MALRD1: variants seen among roughly 807,000 people sequenced by gnomAD.
MALRD1 encodes the protein MAM and LDL receptor class A domain containing 1.
Under a neutral mutation model 242.1 loss-of-function variants are expected in MALRD1, and 247 were observed. That is an observed-to-expected ratio of 1.02 (90% confidence interval 0.92 to 1.13). The LOEUF (loss-of-function observed/expected upper bound fraction) is 1.13, where lower values mean the gene tolerates loss of function less well. Ranked by LOEUF, MALRD1 falls within the 50% of genes most tolerant of loss-of-function variation. The probability of loss-of-function intolerance (pLI) is 0.00; values close to 1 mark genes in which losing one functional copy is unlikely to be tolerated. For synonymous variants in MALRD1, 995 were observed against 866.6 expected (o/e 1.15, Z -2.60); for missense variants, 2,989 against 2,533.1 (o/e 1.18, Z -3.86).
intron 4 of MALRD1, among the ~76,000 whole-genome samples, chr10:19,102,831 C>A (rs1836316730): frequency 6.7e-6 from 1 of 148,636 alleles, no homozygotes; most frequent in African/African-American, 2.5e-5. Context: ...GGCTCCACAT[C>A]CTAATGTCAC....
At chr10:19,727,267 A>G (rs543757688) in intron 38 of MALRD1, among the ~76,000 whole-genome samples, 5 of 152,204 alleles carry the variant, frequency 3.3e-5, no homozygotes, top group Non-Finnish European at 7.3e-5. Context: ...ACTGGATGTA[A>G]CATAGATTGG....
At chr10:19,260,015 T>C (rs1292618386) in intron 19 of MALRD1, among the ~76,000 whole-genome samples, 2 of 152,176 alleles carry the variant, frequency 1.3e-5, no homozygotes, top group East Asian at 3.9e-4. Flanking sequence ...TGACACATAC[T>C]AGTACTCAAC....
At chr10:19,720,676 G>A (rs918860851) in intron 38 of MALRD1, among the ~76,000 whole-genome samples, 10 of 151,764 alleles carry the variant, frequency 6.6e-5, no homozygotes, top group Non-Finnish European at 5.9e-5. Context: ...TTCCTACTTC[G>A]TATTTGTTTT....
At chr10:19,532,391 A>G (rs1296079936) in intron 32 of MALRD1, among the ~76,000 whole-genome samples, 1 of 152,054 alleles carries the variant, frequency 6.6e-6, no homozygotes, top group Non-Finnish European at 1.5e-5. Flanking sequence ...AGTAGCTGGG[A>G]TCACAGGCAT....
intron 38 of MALRD1, among the ~76,000 whole-genome samples, chr10:19,702,979 C>T (rs1331473044): frequency 2.0e-5 from 3 of 152,152 alleles, no homozygotes; most frequent in African/African-American, 7.2e-5. Flanking sequence ...AGCACAGGAA[C>T]AAGCCTCTTA....
In MALRD1 at chr10:19,095,528, A is replaced by G. The variant is rs545647213; in HGVS notation, c.597+7343A>G. Among the ~76,000 whole-genome samples the G allele has an allele frequency of 6.6e-5, 10 of 152,300 alleles. No individual in the cohort carries two copies. The South Asian group carries it at 1.9e-3, about 28-fold the overall frequency. On this transcript the variant is annotated intron_variant, in intron 4 of 39. Coordinates refer to ENST00000454679, the MANE Select transcript of MALRD1 (RefSeq NM_001142308.3). Reference sequence around the variant, plus strand: ...ACTTAAGTCTTTCTATCAACAATTCATTCATTCACTTAAGAAAGATTAATT... The same window carrying G: ...ACTTAAGTCTTTCTATCAACAATTCGTTCATTCACTTAAGAAAGATTAATT...
intron 36 of MALRD1, among the ~76,000 whole-genome samples, chr10:19,655,612 T>C (rs1163920236): frequency 6.8e-6 from 1 of 147,892 alleles, no homozygotes; most frequent in African/African-American, 2.5e-5. Context: ...ACATGAAATA[T>C]AACATAATTG....
chr10:19,297,541 A>T (rs1354339345), intron 21 of MALRD1, among the ~76,000 whole-genome samples: 1 of 151,892 alleles, frequency 6.6e-6, no homozygotes, highest in East Asian at 1.9e-4. Context: ...ATATAGTTAC[A>T]CTTTTATAAG....
At chr10:19,189,506 C>CA (rs35481346) in intron 14 of MALRD1, among the ~76,000 whole-genome samples, 53,878 of 151,450 alleles carry the variant, frequency 0.36, 9,843 homozygotes, top group Admixed American at 0.43. Flanking sequence ...AAAGAGACTG[C>CA]AAAAAAAACT....
chr10:19,511,213 A>G (rs932006697), intron 31 of MALRD1, among the ~76,000 whole-genome samples: 3 of 152,220 alleles, frequency 2.0e-5, no homozygotes, highest in African/African-American at 7.2e-5. Flanking sequence ...GTATAGATCA[A>G]TGATCAGTTT....
At chr10:19,718,132 G>A (rs986579104) in intron 38 of MALRD1, among the ~76,000 whole-genome samples, 1 of 150,710 alleles carries the variant, frequency 6.6e-6, no homozygotes, top group Non-Finnish European at 1.5e-5. Context: ...AGAAGAGGAA[G>A]AAGAGGAAGA....
chr10:19,411,825 G>T (rs1269060141), intron 28 of MALRD1, among the ~76,000 whole-genome samples: 1 of 152,118 alleles, frequency 6.6e-6, no homozygotes, highest in African/African-American at 2.4e-5. Flanking sequence ...TTTAATTATA[G>T]AGCTATATTA....
intron 21 of MALRD1, among the ~76,000 whole-genome samples, chr10:19,315,021 A>ATG (rs1481690750): frequency 9.7e-5 from 14 of 144,862 alleles, no homozygotes; most frequent in African/African-American, 3.0e-4. Context: ...TTATATAAAT[A>ATG]TATAAATATA....
At position 19,548,255 on chromosome 10, in the gene MALRD1, G is replaced by A. The variant is rs567956872; in HGVS notation, c.5478+16904G>A. ...CTCAGGTGATTTGCCCCCCTCTGCC[G>A]CCCAAAGTTCTGGGATTACAGGCGT... is the stretch of plus-strand genomic sequence containing the variant. On this transcript the variant is annotated intron_variant, in intron 32 of 39. Transcript: ENST00000454679. Among the ~76,000 whole-genome samples, 24 of 151,686 alleles carry A rather than the reference G, an allele frequency of 1.6e-4. No individual in the cohort carries two copies. The South Asian group carries it at 3.3e-3, about 21-fold the overall frequency.
intron 24 of MALRD1, among the ~76,000 whole-genome samples, chr10:19,341,547 T>TACAC (rs1169914956): frequency 1.4e-5 from 2 of 143,720 alleles, no homozygotes; most frequent in African/African-American, 5.1e-5. Flanking sequence ...CACATATATA[T>TACAC]ACACACACAC....
At chr10:19,326,128 G>T (rs555759975) in intron 22 of MALRD1, among the ~76,000 whole-genome samples, 3 of 152,172 alleles carry the variant, frequency 2.0e-5, no homozygotes, top group African/African-American at 7.2e-5. Context: ...ATAATCTAAA[G>T]ACATCCAAAT....
At chr10:19,114,784 C>A (rs1399838772) in intron 5 of MALRD1, among the ~76,000 whole-genome samples, 1 of 152,064 alleles carries the variant, frequency 6.6e-6, no homozygotes. Context: ...TTTATTTTTT[C>A]TTGATTATTG....
intron 28 of MALRD1, among the ~76,000 whole-genome samples, chr10:19,405,614 A>G (rs185832342): frequency 6.8e-4 from 103 of 152,322 alleles, no homozygotes; most frequent in Admixed American, 2.2e-3. Context: ...TAGATTTCAC[A>G]GAAGTGTTGA....
intron 12 of MALRD1, among the ~76,000 whole-genome samples, chr10:19,163,409 C>T (rs1183403266): frequency 6.6e-6 from 1 of 150,486 alleles, no homozygotes; most frequent in Non-Finnish European, 1.5e-5. Context: ...GAAAAGGAAA[C>T]CAAATACCGC....
Sources: allele counts gnomAD v4.1 joint callset (sites outside exome capture counted in the v4.1 genomes callset), GRCh38; gene constraint gnomAD v4.1.1; transcripts MANE v1.5; gene names NCBI Gene and HGNC (gene_info 2026-07-23, HGNC 2026-07-21).